Variants in ZBTB20 observed in about 807,000 individuals in gnomAD.
ZBTB20 encodes the protein zinc finger and BTB domain containing 20.
In ZBTB20, 9 loss-of-function variants were observed where a neutral mutation model predicts 56.9. The observed-to-expected ratio is 0.16, with a 90% CI of 0.10 to 0.28. The LOEUF (loss-of-function observed/expected upper bound fraction) is 0.28, where lower values mean the gene tolerates loss of function less well. ZBTB20 is among the 10% of genes least tolerant of loss of function. The probability of loss-of-function intolerance (pLI) is 1.00; values close to 1 mark genes in which losing one functional copy is unlikely to be tolerated. For synonymous variants in ZBTB20, 417 were observed against 420.7 expected, an observed-to-expected ratio of 0.99 and a Z score of 0.11; for missense variants, 655 against 1,003.0, an observed-to-expected ratio of 0.65 and a Z score of 4.69.
Position 114,317,452 on chromosome 3 carries a change from C to T in ZBTB20, c.*21553G>A, listed in dbSNP as rs918412710. The T allele has an allele frequency of 6.6e-6, 1 of 151,424 alleles. No individual in the cohort carries two copies. The highest frequency in any genetic ancestry group is 6.6e-5 in the Admixed American group (1 of 15,206). 9.4% of individuals were successfully genotyped at this position (151,424 alleles called of 1,614,324 possible). A position where few individuals can be genotyped will look rare whatever the true frequency, so the allele number is the denominator to read the frequency against. On this transcript the variant is annotated 3_prime_UTR_variant, in exon 12 of 12. Transcript: ENST00000675478. ...GAACAAGGCTGCTTGCCATTGCTCA[C>T]CTCATTTTTGAAAAAATCAGAGAAG...
chr3:114,700,876 C>T (rs1235801896), intron 5 of ZBTB20, among the ~76,000 whole-genome samples: 1 of 152,104 alleles, frequency 6.6e-6, no homozygotes, highest in Non-Finnish European at 1.5e-5. Context: ...GTTTGTAATT[C>T]AGTTAAAATG....
chr3:114,316,349 G>T lies in ZBTB20; in HGVS notation c.*22656C>A. The stretch of plus-strand genomic sequence containing the variant: ...CTGCAAGTAGCTGTTTTTATTTTTT[G>T]TGATCTGTTGCAAGAGTCCAACCTT... On this transcript the variant is annotated 3_prime_UTR_variant, in exon 12 of 12. Coordinates refer to ENST00000675478, the MANE Select transcript of ZBTB20 (RefSeq NM_001348800.3). The T allele has an allele frequency of 5.0e-6, 2 of 399,202 alleles. No homozygotes were observed. Among genetic ancestry groups the T allele is most frequent in the Non-Finnish European group, 9.7e-6 (2 of 206,608 alleles). 24.7% of individuals were successfully genotyped at this position (399,202 alleles called of 1,614,324 possible).
rs577054171 is a variant in ZBTB20, at chr3:115,004,075, C to T, written c.-506-29659G>A. On this transcript the variant is annotated intron_variant, in intron 2 of 11. Transcript: ENST00000675478. ...CAGGGAGCTCTGATACTTTTCAAAC[C>T]ACCTATTCTAGCACTTGAGATCTCT... is the stretch of plus-strand genomic sequence containing the variant. 3.3e-5 allele frequency among the ~76,000 whole-genome samples: 5 copies of T among 151,590 alleles called. No individual in the cohort carries two copies. In the East Asian group the frequency reaches 9.8e-4, roughly 30 times the overall value.
chr3:114,833,079 G>C (rs1346593952), intron 4 of ZBTB20, among the ~76,000 whole-genome samples: 1 of 151,992 alleles, frequency 6.6e-6, no homozygotes, highest in Non-Finnish European at 1.5e-5. Flanking sequence ...AAAAATCAAA[G>C]AAATTAAAAT....
chr3:114,558,346 T>A (rs1037394975), intron 6 of ZBTB20, among the ~76,000 whole-genome samples: 2 of 151,900 alleles, frequency 1.3e-5, no homozygotes, highest in Non-Finnish European at 2.9e-5. Flanking sequence ...ACTTCAACAA[T>A]CCTCCCTCCC....
chr3:114,650,767 A>G (rs1032730096), intron 6 of ZBTB20, among the ~76,000 whole-genome samples: 3 of 151,980 alleles, frequency 2.0e-5, no homozygotes, highest in African/African-American at 7.2e-5. Context: ...CTCTGTGCTA[A>G]CACAATAATC....
intron 6 of ZBTB20, among the ~76,000 whole-genome samples, chr3:114,520,297 G>C (rs925904348): frequency 2.0e-5 from 3 of 152,042 alleles, no homozygotes; most frequent in Non-Finnish European, 2.9e-5. Flanking sequence ...CACTTAAAGG[G>C]GGTGATAAAT....
chr3:114,366,065 C>T (rs142609945), intron 10 of ZBTB20, among the ~76,000 whole-genome samples: 1 of 152,322 alleles, frequency 6.6e-6, no homozygotes, highest in African/African-American at 2.4e-5. Flanking sequence ...TTGCTGAGCA[C>T]CTACTCCTAA....
At chr3:114,986,586 T>C (rs2078553509) in intron 2 of ZBTB20, among the ~76,000 whole-genome samples, 1 of 152,132 alleles carries the variant, frequency 6.6e-6, no homozygotes, top group South Asian at 2.1e-4. Flanking sequence ...TACATTTACA[T>C]CTATTATAAC....
intron 6 of ZBTB20, among the ~76,000 whole-genome samples, chr3:114,553,340 A>C (rs2050801463): frequency 6.6e-6 from 1 of 152,186 alleles, no homozygotes; most frequent in African/African-American, 2.4e-5. Context: ...ATAATAATTG[A>C]AAGTATAATT....
intron 5 of ZBTB20, among the ~76,000 whole-genome samples, chr3:114,792,822 G>A (rs954509015): frequency 1.3e-5 from 2 of 151,734 alleles, no homozygotes; most frequent in Non-Finnish European, 2.9e-5. Context: ...TTAGAAAACA[G>A]TGCTAGCAAT....
At chr3:114,932,439 C>G (rs758064938) in intron 3 of ZBTB20, among the ~76,000 whole-genome samples, 4 of 152,236 alleles carry the variant, frequency 2.6e-5, no homozygotes, top group Non-Finnish European at 5.9e-5. Flanking sequence ...TACCAGCCTT[C>G]TCACCCTGCC....
intron 3 of ZBTB20, among the ~76,000 whole-genome samples, chr3:114,918,632 T>C (rs2075836305): frequency 6.6e-6 from 1 of 152,212 alleles, no homozygotes; most frequent in African/African-American, 2.4e-5. Context: ...CATTCCCTTC[T>C]AGCCCAGAGT....
chr3:114,736,728 G>A (rs2066186633), intron 5 of ZBTB20, among the ~76,000 whole-genome samples: 1 of 152,122 alleles, frequency 6.6e-6, no homozygotes, highest in Non-Finnish European at 1.5e-5. Context: ...TGAAATGGAT[G>A]TACATGGTGG....
chr3:114,797,070 A>G (rs952362125), intron 5 of ZBTB20, among the ~76,000 whole-genome samples: 10 of 151,840 alleles, frequency 6.6e-5, no homozygotes, highest in Admixed American at 5.9e-4. Context: ...TATAAGGAAG[A>G]AAATAATTTT....
intron 6 of ZBTB20, among the ~76,000 whole-genome samples, chr3:114,663,223 G>C (rs1254677052): frequency 1.4e-5 from 2 of 144,902 alleles, no homozygotes; most frequent in Non-Finnish European, 1.5e-5. Context: ...AAGAGAGTGG[G>C]GGCCAATATT....
At chr3:115,048,689 T>A (rs2081427156) in intron 2 of ZBTB20, among the ~76,000 whole-genome samples, 1 of 152,138 alleles carries the variant, frequency 6.6e-6, no homozygotes, top group African/African-American at 2.4e-5. Context: ...ATTGCAAAAG[T>A]CATCCATTAG....
At chr3:115,125,216 G>T (rs754496929) in intron 1 of ZBTB20, among the ~76,000 whole-genome samples, 10 of 151,858 alleles carry the variant, frequency 6.6e-5, no homozygotes, top group Non-Finnish European at 8.8e-5. Context: ...GGTGGCATGC[G>T]CCTGTAGTCC....
At chr3:114,914,745 C>A (rs2075677181) in intron 3 of ZBTB20, among the ~76,000 whole-genome samples, 1 of 151,468 alleles carries the variant, frequency 6.6e-6, no homozygotes, top group African/African-American at 2.4e-5. Flanking sequence ...ACTTCGATAT[C>A]CAGTTTTTTG....
Sources: allele counts gnomAD v4.1 joint callset (sites outside exome capture counted in the v4.1 genomes callset), GRCh38; gene constraint gnomAD v4.1.1; transcripts MANE v1.5; gene names NCBI Gene and HGNC (gene_info 2026-07-23, HGNC 2026-07-21).